Variants in PBX3 observed in about 807,000 individuals in gnomAD.
The protein encoded by PBX3 is PBX homeobox 3.
A neutral mutation model predicts 48.5 loss-of-function variants in PBX3; 14 were observed. The observed-to-expected ratio is 0.29, with a 90% CI of 0.19 to 0.45. The LOEUF (loss-of-function observed/expected upper bound fraction) is 0.45. Ranked by LOEUF, PBX3 falls within the 20% of genes least tolerant of loss-of-function variation. The pLI is 1.00. For missense variants in PBX3, 386 were observed against 546.7 expected, an observed-to-expected ratio of 0.71 and a Z score of 2.93; for synonymous variants, 210 against 200.3, an observed-to-expected ratio of 1.05 and a Z score of -0.41.
intron 5 of PBX3, among the ~76,000 whole-genome samples, chr9:125,942,802 C>T (rs576874095): frequency 7.9e-5 from 12 of 152,170 alleles, no homozygotes; most frequent in South Asian, 2.1e-4. Flanking sequence ...TTAAACAGTG[C>T]GCAGAGAATA....
intron 2 of PBX3, among the ~76,000 whole-genome samples, chr9:125,891,363 T>A (rs979264492): frequency 2.0e-5 from 3 of 152,198 alleles, no homozygotes; most frequent in Non-Finnish European, 4.4e-5. Flanking sequence ...GCCAAATCAT[T>A]AGAAGTTGAT....
At chr9:125,748,445 C>T (rs1247978924) in intron 1 of PBX3, 105 bp from the exon 2 acceptor site, 13 of 1,523,746 alleles carry the variant, frequency 8.5e-6, no homozygotes, top group South Asian at 1.2e-5. Flanking sequence ...AAGGGCCTTC[C>T]AGAATGGGGG....
At chr9:125,919,498 C>T (rs558413535) in intron 3 of PBX3, among the ~76,000 whole-genome samples, 4 of 151,814 alleles carry the variant, frequency 2.6e-5, no homozygotes, top group South Asian at 2.1e-4. Context: ...TGTGAGCCAC[C>T]GCGCCTGGCC....
intron 2 of PBX3, among the ~76,000 whole-genome samples, chr9:125,791,301 G>GTCTGTCTA (rs1179896723): frequency 0.025 from 2,751 of 108,948 alleles, 33 homozygotes; most frequent in Admixed American, 0.065. Flanking sequence ...CTGTCTGTCT[G>GTCTGTCTA]TCTATCTATC....
At chr9:125,921,429 A>T (rs190473598) in intron 3 of PBX3, among the ~76,000 whole-genome samples, 1 of 152,334 alleles carries the variant, frequency 6.6e-6, no homozygotes, top group African/African-American at 2.4e-5. Flanking sequence ...GAGTAATGAC[A>T]TAAAAATAGT....
At chr9:125,946,414 G>A (rs1268920951) in intron 5 of PBX3, among the ~76,000 whole-genome samples, 1 of 151,920 alleles carries the variant, frequency 6.6e-6, no homozygotes, top group East Asian at 1.9e-4. Flanking sequence ...ACAGACAATA[G>A]AAACAGACTC....
intron 2 of PBX3, among the ~76,000 whole-genome samples, chr9:125,803,351 G>A (rs750859352): frequency 1.9e-4 from 29 of 151,852 alleles, no homozygotes; most frequent in Non-Finnish European, 4.0e-4. Flanking sequence ...GCCTCCCAAA[G>A]TGCTGGGATT....
chr9:125,884,882 A>G (rs980803032), intron 2 of PBX3, among the ~76,000 whole-genome samples: 15 of 152,200 alleles, frequency 9.9e-5, no homozygotes, highest in African/African-American at 3.4e-4. Context: ...CCTAGATAAA[A>G]GCATGTAGAG....
intron 2 of PBX3, among the ~76,000 whole-genome samples, chr9:125,804,272 C>A (rs1838053630): frequency 6.6e-6 from 1 of 152,076 alleles, no homozygotes; most frequent in East Asian, 1.9e-4. Context: ...TGGGAAAATT[C>A]ATAAAGGAAT....
intron 2 of PBX3, among the ~76,000 whole-genome samples, chr9:125,792,744 G>A (rs924846383): frequency 2.1e-5 from 3 of 145,598 alleles, no homozygotes; most frequent in Non-Finnish European, 4.5e-5. Context: ...TGTTGCCCAA[G>A]CTGGAGTGCA....
intron 2 of PBX3, among the ~76,000 whole-genome samples, chr9:125,822,172 A>G (rs1838671528): frequency 2.0e-5 from 3 of 152,188 alleles, no homozygotes; most frequent in Admixed American, 6.5e-5. Flanking sequence ...ATTAAAATTT[A>G]ATATTTAAAG....
At chr9:125,842,459 AC>A (rs1839314308) in intron 2 of PBX3, among the ~76,000 whole-genome samples, 1 of 152,162 alleles carries the variant, frequency 6.6e-6, no homozygotes, top group South Asian at 2.1e-4. Context: ...AGAAATCTGC[AC>A]ACCCAGTGTT....
intron 2 of PBX3, among the ~76,000 whole-genome samples, chr9:125,793,287 G>A (rs1249378074): frequency 1.3e-5 from 2 of 148,970 alleles, no homozygotes; most frequent in Non-Finnish European, 3.0e-5. Context: ...GGGAGGCAGA[G>A]CTTGCAGTGA....
At chr9:125,909,776 G>A (rs1052729140) in intron 2 of PBX3, among the ~76,000 whole-genome samples, 1 of 152,108 alleles carries the variant, frequency 6.6e-6, no homozygotes, top group Non-Finnish European at 1.5e-5. Flanking sequence ...GGGACTGCAA[G>A]AAAATAACTC....
At chr9:125,893,090 G>A (rs1359052562) in intron 2 of PBX3, among the ~76,000 whole-genome samples, 1 of 152,060 alleles carries the variant, frequency 6.6e-6, no homozygotes, top group Non-Finnish European at 1.5e-5. Context: ...ATAAACAATG[G>A]TGCAACCTAC....
chr9:125,758,918 G>A (rs999588006), intron 2 of PBX3, among the ~76,000 whole-genome samples: 1 of 152,080 alleles, frequency 6.6e-6, no homozygotes, highest in Non-Finnish European at 1.5e-5. Flanking sequence ...TAAACTTGTA[G>A]CAATGCTCCA....
intron 2 of PBX3, among the ~76,000 whole-genome samples, chr9:125,766,517 T>G (rs1250894407): frequency 6.6e-6 from 1 of 152,112 alleles, no homozygotes; most frequent in African/African-American, 2.4e-5. Flanking sequence ...GAGGAAATAT[T>G]TGTGTGTTTC....
chr9:125,910,582 A>G (rs1160292783), intron 2 of PBX3, among the ~76,000 whole-genome samples: 1 of 151,832 alleles, frequency 6.6e-6, no homozygotes, highest in East Asian at 1.9e-4. Context: ...GTTATATTTA[A>G]TATACCTGAC....
intron 2 of PBX3, among the ~76,000 whole-genome samples, chr9:125,821,406 A>G (rs958759182): frequency 2.0e-5 from 3 of 152,160 alleles, no homozygotes; most frequent in Non-Finnish European, 2.9e-5. Context: ...GATACTAACA[A>G]TGGACTTTAG....
Sources: allele counts gnomAD v4.1 joint callset (sites outside exome capture counted in the v4.1 genomes callset), GRCh38; gene constraint gnomAD v4.1.1; transcripts MANE v1.5; gene names NCBI Gene and HGNC (gene_info 2026-07-23, HGNC 2026-07-21).